The following KAT5 variants were observed in gnomAD, a reference collection of about 807,000 sequenced individuals.
KAT5 encodes the protein histone acetyltransferase KAT5.
KAT5 carries 31 observed loss-of-function variants against 68.1 expected under a neutral mutation model. The ratio of observed to expected loss-of-function variants is 0.46; its 90% CI spans 0.34 to 0.61. The LOEUF is 0.61. Ranked by LOEUF, KAT5 falls within the 20% of genes least tolerant of loss-of-function variation. The probability of loss-of-function intolerance (pLI) is 0.01; values close to 1 mark genes in which losing one functional copy is unlikely to be tolerated. For synonymous variants in KAT5, 365 were observed against 292.6 expected (o/e 1.25, Z -2.52); for missense variants, 451 against 725.5 (o/e 0.62, Z 4.35).
At position 65,714,524 on chromosome 11, in the gene KAT5, G is replaced by A. The variant is rs554450356; in HGVS notation, c.720G>A (p.Pro240=). ...CCCAGGACAGCTCTGATGGAATACC[G>A]TCAGCACCACGCATGACTGGCAGCC... ...EDSQDSSDGI[P]SAPRMTGSLV... The change falls in exon 7 of 13, where the codon CCG becomes CCA. Residue 240 remains proline (P), a synonymous_variant. Coordinates refer to ENST00000341318, the MANE Select transcript of KAT5 (RefSeq NM_182710.3). The A allele has an allele frequency of 4.6e-5, 74 of 1,614,062 alleles. No homozygotes were observed. The highest frequency in any genetic ancestry group is 1.6e-4 in the Middle Eastern group (1 of 6,062).
rs775569378 is a variant in KAT5, at chr11:65,713,350, G to A, written c.387G>A (p.Pro129=). ...SRPGSPEREV[P]ASAQASGKTL... is the part of the protein sequence containing the mutation. ...AGACCCTGGACCTATCTCTACAGCC[G>A]GCCTCGGCGCAGGCCAGCGGGAAGA... Residue 129 remains proline (P), a splice_region_variant and synonymous_variant, in exon 4 of 13, where the codon CCG becomes CCA. Transcript: ENST00000341318. 5.0e-6 allele frequency: 8 copies of A among 1,613,968 alleles called. No individual in the cohort carries two copies. The South Asian group carries it at 5.5e-5, about 11-fold the overall frequency.
rs1042037322 is a variant in KAT5 at position 65,719,568 on chromosome 11, C to T, written c.*387C>T. On this transcript the variant is annotated 3_prime_UTR_variant, in exon 13 of 13. Transcript: ENST00000341318. ...GCAAAAATTTCTGGCTTCTCTTACC[C>T]CTATTGCCCCCGGCAATAAATTGTT... 7.8e-6 allele frequency: 5 copies of T among 641,894 alleles called. No homozygotes were observed. Among genetic ancestry groups the T allele is most frequent in the South Asian group, 5.4e-5 (3 of 55,084 alleles). 39.8% of individuals were successfully genotyped at this position (641,894 alleles called of 1,614,324 possible).
chr11:65,712,542 G>A, intron 1 of KAT5, 97 bp downstream of exon 1: 1 of 1,406,346 alleles, frequency 7.1e-7, no homozygotes, highest in South Asian at 1.3e-5. Flanking sequence ...GAATTATGGG[G>A]CGGGCGAGGC....
upstream of KAT5, chr11:65,712,158 C>T: frequency 2.6e-6 from 3 of 1,148,350 alleles, no homozygotes; most frequent in Non-Finnish European, 3.5e-6. Context: ...CGCGGTGTCT[C>T]TCAAAGGTCC....
In KAT5 at chr11:65,719,571, A is replaced by C; in HGVS notation, c.*390A>C. Reference sequence around the variant, plus strand: ...AAAATTTCTGGCTTCTCTTACCCCTATTGCCCCCGGCAATAAATTGTTTCT... The same window carrying C: ...AAAATTTCTGGCTTCTCTTACCCCTCTTGCCCCCGGCAATAAATTGTTTCT... On this transcript the variant is annotated 3_prime_UTR_variant, in exon 13 of 13. Coordinates refer to ENST00000341318, the MANE Select transcript of KAT5 (RefSeq NM_182710.3). The C allele has an allele frequency of 3.1e-6, 2 of 649,080 alleles. No individual in the cohort carries two copies. Among genetic ancestry groups the C allele is most frequent in the Non-Finnish European group, 5.4e-6 (2 of 367,066 alleles). 40.2% of individuals were successfully genotyped at this position (649,080 alleles called of 1,614,324 possible).
chr11:65,712,636 T>C (rs1237447203), intron 1 of KAT5, 130 bp from the exon 2 acceptor site: 2 of 1,268,296 alleles, frequency 1.6e-6, no homozygotes, highest in Non-Finnish European at 2.3e-6. Flanking sequence ...CACTTGTGAC[T>C]GAAGGAGGCT....
Position 65,713,819 on chromosome 11 carries a change from C to T in KAT5, c.661C>T (p.Arg221Ter), listed in dbSNP as rs1295044835. The change falls in exon 6 of 13, where the codon CGA becomes TGA. Residue 221 changes from arginine to a stop codon, truncating the protein, a stop_gained. Transcript: ENST00000341318. LOFTEE classifies it high-confidence loss of function. Reference protein sequence around the residue: ...RAVAAQPGRKRKSNCLGTDED... With the variant: ...RAVAAQPGRK ...AGTGGCAGCCCAGCCAGGACGGAAG[C>T]GAAAATCGAATTGTTTGGGCACTGA... 1.9e-6 allele frequency: 3 copies of T among 1,596,586 alleles called. No individual in the cohort carries two copies. Among genetic ancestry groups the T allele is most frequent in the African/African-American group, 1.3e-5 (1 of 74,592 alleles).
At position 65,712,600 on chromosome 11, in the gene KAT5, A is replaced by C. The variant is rs4645912; in HGVS notation, c.178+155A>C. The C allele has an allele frequency of 1.8e-3, 2,216 of 1,208,352 alleles. 30 individuals carry two copies. In the African/African-American group the frequency reaches 0.028, roughly 15 times the overall value. The allele number at this position is 1,208,352 out of a possible 1,614,324, so 74.9% of individuals were successfully genotyped here. On this transcript the variant is annotated intron_variant, in intron 1 of 12. Transcript: ENST00000341318. ...GTGGCTCTTAGCTGCTCCGAGAGGT[A>C]CAGGGCGGGGCCTGGAAAGGGGTGG...
At position 65,714,886 on chromosome 11, in the gene KAT5, T is replaced by C; in HGVS notation, c.1005T>C (p.Phe335=). Residue 335 remains phenylalanine, a synonymous_variant, in exon 8 of 13, where the codon TTT becomes TTC. Coordinates refer to ENST00000341318, the MANE Select transcript of KAT5 (RefSeq NM_182710.3). ...EIYRKGTISF[F]EIDGRKNKSY... ...ACCGCAAGGGCACCATCTCCTTCTTTGAGATTGATGGACGTAAGAACAAGG... is the reference window on the plus strand; with the variant it reads ...ACCGCAAGGGCACCATCTCCTTCTTCGAGATTGATGGACGTAAGAACAAGG... 6.2e-7 allele frequency: 1 copy of C among 1,613,496 alleles called. No homozygotes were observed. Among genetic ancestry groups the C allele is most frequent in the Non-Finnish European group, 8.5e-7 (1 of 1,179,406 alleles).
chr11:65,714,011 G>T, intron 6 of KAT5, 163 bp downstream of exon 6: 1 of 674,250 alleles, frequency 1.5e-6, no homozygotes, highest in Non-Finnish European at 2.5e-6. Flanking sequence ...ATGAGTCATT[G>T]GGGCCGGGCA....
chr11:65,712,224 G>C (rs1025222974), upstream of KAT5: 52 of 1,394,720 alleles, frequency 3.7e-5, no homozygotes, highest in Middle Eastern at 1.6e-3. Context: ...TCCCGGAAGT[G>C]ACGTCTCCCA....
chr11:65,712,896 G>C, intron 2 of KAT5, 26 bp from the exon 3 acceptor site: 1 of 1,614,124 alleles, frequency 6.2e-7, no homozygotes, highest in African/African-American at 1.3e-5. Flanking sequence ...TTGGCATTCT[G>C]TCCTGAGCCA....
At chr11:65,713,718 T>A (rs762018553) in intron 5 of KAT5, 51 bp downstream of exon 5, 1 of 1,613,754 alleles carries the variant, frequency 6.2e-7, no homozygotes, top group African/African-American at 1.3e-5. Context: ...TACTCTCTGG[T>A]GGCTTTTTTC....
chr11:65,716,788 T>C lies in KAT5; in HGVS notation c.1151T>C (p.Ile384Thr). Residue 384 changes from isoleucine (I) to threonine (T), a missense_variant, in exon 9 of 13, where the codon ATC becomes ACC. Around this residue, in one of 4 missense-constraint regions of KAT5, gnomAD observed 210 missense variants for 423.7 expected, o/e 0.50. Transcript: ENST00000341318. ...GAGTATGACTGTAAGGGCTTCCACATCGTGGGCTACTTCTCCAAGGTCAGT... is the reference window on the plus strand; with the variant it reads ...GAGTATGACTGTAAGGGCTTCCACACCGTGGGCTACTTCTCCAAGGTCAGT... ...MTEYDCKGFHIVGYFSKEKES... is the reference protein window; with the variant it reads ...MTEYDCKGFHTVGYFSKEKES... 1 of 1,614,152 alleles carries C rather than the reference T, an allele frequency of 6.2e-7. No homozygotes were observed. The highest frequency in any genetic ancestry group is 8.5e-7 in the Non-Finnish European group (1 of 1,180,010).
At position 65,712,806 on chromosome 11, in the gene KAT5, G is replaced by A. The variant is rs1857067663; in HGVS notation, c.219G>A (p.Arg73=). ...TGAGCGTGAAGGACATCAGTGGCCG[G>A]AAGCTTTTCTACGTCCATTACATTG... ...EILSVKDISG[R]KLFYVHYIDF... Residue 73 remains arginine (R), a synonymous_variant, in exon 2 of 13, where the codon CGG becomes CGA. Coordinates refer to ENST00000341318, the MANE Select transcript of KAT5 (RefSeq NM_182710.3). The A allele has an allele frequency of 1.1e-5, 18 of 1,614,134 alleles. No individual in the cohort carries two copies. Among genetic ancestry groups the A allele is most frequent in the Non-Finnish European group, 1.1e-5 (13 of 1,180,012 alleles).
In KAT5 at chr11:65,719,343, C is replaced by G. The variant is rs544558074; in HGVS notation, c.*162C>G. ...GGCAGGGGCCCACTGGTGCCCAGCA[C>G]CAAGGCGAGCTCCGGGCTCAGACCA... On this transcript the variant is annotated 3_prime_UTR_variant, in exon 13 of 13. Coordinates refer to ENST00000341318, the MANE Select transcript of KAT5 (RefSeq NM_182710.3). 323 of 877,978 alleles carry G rather than the reference C, an allele frequency of 3.7e-4. No homozygotes were observed. Among genetic ancestry groups the G allele is most frequent in the Non-Finnish European group, 5.1e-4 (303 of 589,256 alleles). The allele number at this position is 877,978 out of a possible 1,614,324, so 54.4% of individuals were successfully genotyped here. A position where few individuals can be genotyped will look rare whatever the true frequency, so the allele number is the denominator to read the frequency against.
chr11:65,716,859 C>T, intron 9 of KAT5, 30 bp from the exon 10 acceptor site: 1 of 1,613,568 alleles, frequency 6.2e-7, no homozygotes, highest in Non-Finnish European at 8.5e-7. Context: ...CAGATCCCTT[C>T]CCTGACACTC....
chr11:65,712,511 C>T (rs781263702), intron 1 of KAT5, 66 bp downstream of exon 1: 8 of 1,525,042 alleles, frequency 5.2e-6, no homozygotes, highest in Non-Finnish European at 7.1e-6. Flanking sequence ...ACTGAAATCC[C>T]GGGATGGGGA....
At position 65,712,365 on chromosome 11, in the gene KAT5, C is replaced by G; in HGVS notation, c.98C>G (p.Ala33Gly). The change falls in exon 1 of 13, where the codon GCG becomes GGG. Residue 33 changes from alanine (A) to glycine (G), a missense_variant. By Grantham distance (60) the Ala-to-Gly change is moderately conservative. Coordinates refer to ENST00000341318, the MANE Select transcript of KAT5 (RefSeq NM_182710.3). ...RGPPVADPGV[A>G]LSPQGEIIEG... ...CCCCCAGTAGCCGACCCTGGCGTCG[C>G]GCTGTCTCCCCAGGGGGAGATAATC... is the stretch of plus-strand genomic sequence containing the variant. The G allele has an allele frequency of 6.5e-7, 1 of 1,542,528 alleles. No homozygotes were observed. Among genetic ancestry groups the G allele is most frequent in the South Asian group, 1.3e-5 (1 of 79,648 alleles).
Sources: gnomAD v4.1 joint callset for allele counts on GRCh38, gnomAD v4.1.1 for gene constraint, gnomAD v4.1.1 regional missense constraint, MANE v1.5 for transcripts, NCBI Gene and HGNC (gene_info 2026-07-23, HGNC 2026-07-21) for gene names.